Variants in RPH3AL observed in about 807,000 individuals in gnomAD.
RPH3AL encodes rab effector Noc2.
In RPH3AL, 38 loss-of-function variants were observed where a neutral mutation model predicts 43.1. The ratio of observed to expected loss-of-function variants is 0.88; its 90% CI spans 0.68 to 1.15. The LOEUF is 1.15. Among genes scored for constraint, RPH3AL ranks in the 50% most tolerant of loss-of-function variants. The pLI, the probability that RPH3AL is intolerant of heterozygous loss-of-function variation, is 0.00. For synonymous variants in RPH3AL, 189 were observed against 176.3 expected (o/e 1.07, Z -0.57); for missense variants, 462 against 423.2 (o/e 1.09, Z -0.81).
intron 1 of RPH3AL, among the ~76,000 whole-genome samples, chr17:336,756 C>G (rs991277976): frequency 6.6e-6 from 1 of 152,216 alleles, no homozygotes; most frequent in Admixed American, 6.5e-5. Flanking sequence ...CCCTTGCATT[C>G]TGCCAGCCAC....
chr17:311,789 A>G (rs57109144), intron 5 of RPH3AL, among the ~76,000 whole-genome samples: 2,509 of 152,284 alleles, frequency 0.016, 69 homozygotes, highest in African/African-American at 0.056. Context: ...AAATTACAGA[A>G]AATATGGGAC....
chr17:302,911 AC>A (rs1237847468), intron 5 of RPH3AL, among the ~76,000 whole-genome samples: 5 of 152,136 alleles, frequency 3.3e-5, no homozygotes, highest in African/African-American at 1.2e-4. Flanking sequence ...AAGGACAAAC[AC>A]CCAGACCCCG....
intron 7 of RPH3AL, among the ~76,000 whole-genome samples, chr17:229,508 G>A (rs1447981290): frequency 1.3e-5 from 2 of 152,222 alleles, no homozygotes; most frequent in South Asian, 2.1e-4. Context: ...CCAAAGAGCT[G>A]GGGTTTCCCC....
intron 5 of RPH3AL, 91 bp downstream of exon 5, chr17:319,329 A>G: frequency 6.8e-7 from 1 of 1,470,472 alleles, no homozygotes; most frequent in South Asian, 1.3e-5. Flanking sequence ...GCAGACATAC[A>G]CACTCCTGGG....
intron 6 of RPH3AL, among the ~76,000 whole-genome samples, chr17:258,611 C>T (rs2042123981): frequency 6.6e-6 from 1 of 152,174 alleles, no homozygotes; most frequent in African/African-American, 2.4e-5. Context: ...TCAGCCTTGC[C>T]TCCTGCTGCA....
chr17:310,411 T>C (rs1387461842), intron 5 of RPH3AL, among the ~76,000 whole-genome samples: 1 of 152,156 alleles, frequency 6.6e-6, no homozygotes, highest in Non-Finnish European at 1.5e-5. Context: ...CAGGAGCACC[T>C]GAGGCTCTGT....
chr17:291,367 C>T (rs115540344), intron 5 of RPH3AL, among the ~76,000 whole-genome samples: 1 of 151,986 alleles, frequency 6.6e-6, no homozygotes, highest in African/African-American at 2.4e-5. Context: ...CAATGAGACT[C>T]CCCCACCCCC....
intron 5 of RPH3AL, among the ~76,000 whole-genome samples, chr17:297,890 G>A (rs923707155): frequency 1.3e-5 from 2 of 152,184 alleles, no homozygotes; most frequent in Admixed American, 1.3e-4. Flanking sequence ...CAGCGGACAG[G>A]GAGGCTTCAC....
At chr17:267,444 C>A (rs748802610) in intron 6 of RPH3AL, among the ~76,000 whole-genome samples, 1 of 152,224 alleles carries the variant, frequency 6.6e-6, no homozygotes, top group Admixed American at 6.5e-5. Context: ...TAGACCGAGC[C>A]AGGTCTTTTC....
chr17:345,194 A>G (rs1462484810), intron 1 of RPH3AL, among the ~76,000 whole-genome samples: 2 of 135,106 alleles, frequency 1.5e-5, no homozygotes, highest in African/African-American at 5.1e-5. Context: ...TAGGAGGGTC[A>G]CCTGAGCCTG....
Position 245,616 on chromosome 17 carries a change from TCCA to T in RPH3AL, c.613+1492_613+1494del, listed in dbSNP as rs1322223738. Among the ~76,000 whole-genome samples, 1 of 152,044 alleles carries T rather than the reference TCCA, an allele frequency of 6.6e-6. No individual in the cohort carries two copies. The highest frequency in any genetic ancestry group is 1.5e-5 in the Non-Finnish European group (1 of 68,012). On this transcript the variant is annotated intron_variant, in intron 7 of 9. Coordinates refer to ENST00000331302, the MANE Select transcript of RPH3AL (RefSeq NM_006987.4). This position sits in a 1 kb window ranked among gnomAD's most constrained non-coding sequence, Gnocchi z 5.9. ...AAGCAGCATTTTAAACCCACAGGTG[TCCA>T]CCAGCTTCTGCTCCCACTGTCTGAG...
intron 6 of RPH3AL, among the ~76,000 whole-genome samples, chr17:262,876 C>T (rs1014469600): frequency 1.1e-4 from 16 of 152,184 alleles, no homozygotes; most frequent in South Asian, 4.1e-4. Flanking sequence ...TTGCTTTCCC[C>T]GCAGAAGCCC....
rs1342100826 is a variant in RPH3AL, at chr17:215,480, G to C, written c.876+174C>G. 6.6e-6 allele frequency among the ~76,000 whole-genome samples: 1 copy of C among 152,252 alleles called. No individual in the cohort carries two copies. Among genetic ancestry groups the C allele is most frequent in the Non-Finnish European group, 1.5e-5 (1 of 68,042 alleles). Reference sequence around the variant, plus strand: ...ATTATCATTCTGGGTCCCTCTCTCTGTTCCTTGCAGGCAGGGATGGGGTCT... The same window carrying C: ...ATTATCATTCTGGGTCCCTCTCTCTCTTCCTTGCAGGCAGGGATGGGGTCT... On this transcript the variant is annotated intron_variant, in intron 9 of 9. Coordinates refer to ENST00000331302, the MANE Select transcript of RPH3AL (RefSeq NM_006987.4). The surrounding 1 kb of genome is among the most constrained non-coding windows in gnomAD (Gnocchi z 4.1).
Position 222,092 on chromosome 17 carries a change from A to G in RPH3AL, c.614-2356T>C, listed in dbSNP as rs547518986. 3.9e-5 allele frequency among the ~76,000 whole-genome samples: 6 copies of G among 152,388 alleles called. No individual in the cohort carries two copies. The South Asian group carries it at 1.2e-3, about 32-fold the overall frequency. On this transcript the variant is annotated intron_variant, in intron 7 of 9. Transcript: ENST00000331302. ...CAAGAACAACAGCTCTGAGGCCTCC[A>G]CTCGCTGAGACAAGGCCCAAGGCAA...
At chr17:241,881 C>T (rs554368506) in intron 7 of RPH3AL, among the ~76,000 whole-genome samples, 8 of 151,884 alleles carry the variant, frequency 5.3e-5, no homozygotes, top group Non-Finnish European at 1.0e-4. Flanking sequence ...TTTGGGAGGC[C>T]GAGGCAGGTG....
intron 7 of RPH3AL, among the ~76,000 whole-genome samples, chr17:244,332 T>C (rs747644396): frequency 2.0e-5 from 3 of 151,072 alleles, no homozygotes; most frequent in Non-Finnish European, 4.4e-5. Flanking sequence ...AGAAAGAAAA[T>C]AGGGTGGCCT....
At chr17:258,515 G>A (rs1363964757) in intron 6 of RPH3AL, among the ~76,000 whole-genome samples, 1 of 152,168 alleles carries the variant, frequency 6.6e-6, no homozygotes, top group African/African-American at 2.4e-5. Context: ...AGCGCAGTGA[G>A]CCTCCCTGAC....
At position 282,375 on chromosome 17, in the gene RPH3AL, G is replaced by A. The variant is rs549335282; in HGVS notation, c.352-521C>T. On this transcript the variant is annotated intron_variant, in intron 5 of 9. Coordinates refer to ENST00000331302, the MANE Select transcript of RPH3AL (RefSeq NM_006987.4). ...ACAGTTACGTAAACTTTGGGCCCAC[G>A]TTATAGGTGAGGAACCCGGGGCTTG... Among the ~76,000 whole-genome samples the A allele has an allele frequency of 1.1e-3, 161 of 152,322 alleles. 1 individual carries two copies. The highest frequency in any genetic ancestry group is 3.6e-3 in the African/African-American group (150 of 41,572).
Position 246,123 on chromosome 17 carries a change from G to C in RPH3AL, c.613+988C>G, listed in dbSNP as rs1015166682. 1.3e-5 allele frequency among the ~76,000 whole-genome samples: 2 copies of C among 152,130 alleles called. No individual in the cohort carries two copies. The highest frequency in any genetic ancestry group is 4.8e-5 in the African/African-American group (2 of 41,430). On this transcript the variant is annotated intron_variant, in intron 7 of 9. Coordinates refer to ENST00000331302, the MANE Select transcript of RPH3AL (RefSeq NM_006987.4). The surrounding 1 kb of genome is among the most constrained non-coding windows in gnomAD (Gnocchi z 4.8). Reference sequence around the variant, plus strand: ...TTCGTAATAAACATGCATTACTTTTGTAACAAGAAAAAACAGCCCGAATGA... The same window carrying C: ...TTCGTAATAAACATGCATTACTTTTCTAACAAGAAAAAACAGCCCGAATGA...
Sources: gnomAD v4.1 joint callset for allele counts (sites outside exome capture counted in the v4.1 genomes callset) on GRCh38, gnomAD v4.1.1 for gene constraint, Gnocchi (gnomAD v3.1) non-coding constraint, MANE v1.5 for transcripts, NCBI Gene and HGNC (gene_info 2026-07-23, HGNC 2026-07-21) for gene names.